CLTCL1: variants seen among roughly 807,000 people sequenced by gnomAD.
CLTCL1 encodes the protein clathrin heavy chain like 1.
CLTCL1 carries 159 observed loss-of-function variants against 190.0 expected under a neutral mutation model. The observed-to-expected ratio is 0.84, with a 90% CI of 0.74 to 0.95. CLTCL1 has a LOEUF of 0.95. Among genes scored for constraint, CLTCL1 ranks in the 40% least tolerant of loss-of-function variants. CLTCL1 has a pLI of 0.00. For synonymous variants in CLTCL1, 752 were observed against 769.6 expected, an observed-to-expected ratio of 0.98 and a Z score of 0.38; for missense variants, 1,878 against 2,033.4, an observed-to-expected ratio of 0.92 and a Z score of 1.47.
intron 3 of CLTCL1, among the ~76,000 whole-genome samples, 157 bp downstream of exon 3, chr22:19,253,802 G>A (rs1555971179): frequency 6.6e-6 from 1 of 151,872 alleles, no homozygotes; most frequent in East Asian, 1.9e-4. Flanking sequence ...CTGACCTCAA[G>A]AGATCCTCCC....
intron 30 of CLTCL1, chr22:19,181,105 T>C (rs1460684031): frequency 2.4e-6 from 1 of 413,440 alleles, no homozygotes; most frequent in Non-Finnish European, 4.4e-6. Flanking sequence ...GGCCTGCTTA[T>C]GGGGGGCCAA....
rs1194266137 is a variant in CLTCL1 at position 19,245,186 on chromosome 22, C to CTTTT, written c.520-2254_520-2251dup. 7.2e-4 allele frequency among the ~76,000 whole-genome samples: 85 copies of CTTTT among 118,828 alleles called. 1 individual carries two copies. The highest frequency in any genetic ancestry group is 8.7e-4 in the Non-Finnish European group (50 of 57,546). 78.0% of individuals were successfully genotyped at this position (118,828 alleles called of 152,430 possible). A position where few individuals can be genotyped will look rare whatever the true frequency, so the allele number is the denominator to read the frequency against. ...GGCCCCATGTTCCCCTCTCCCCCTC[C>CTTTT]TTTTTTTTTTTTTTTTTTTTTTTGA... On this transcript the variant is annotated intron_variant, in intron 3 of 32. Coordinates refer to ENST00000427926, the MANE Select transcript of CLTCL1 (RefSeq NM_007098.4).
intron 30 of CLTCL1, chr22:19,181,047 G>A (rs2084120336): frequency 7.2e-6 from 4 of 556,854 alleles, no homozygotes; most frequent in African/African-American, 1.9e-5. Flanking sequence ...GGCCCCCAGA[G>A]CTTCCCAGTG....
intron 22 of CLTCL1, among the ~76,000 whole-genome samples, chr22:19,204,305 G>T (rs1426219990): frequency 1.3e-5 from 2 of 152,146 alleles, no homozygotes; most frequent in Admixed American, 6.5e-5. Context: ...CTGTGCTCCA[G>T]CCAGGGGCTC....
Position 19,254,220 on chromosome 22 carries a change from C to A in CLTCL1, c.258G>T (p.Lys86Asn). Reference sequence around the variant, plus strand: ...TCTCAATATTAAAGATCTGAAGTGTCTTCCCAGCTAGTATTTGATATAATA... The same window carrying A: ...TCTCAATATTAAAGATCTGAAGTGTATTCCCAGCTAGTATTTGATATAATA... ...ASKVIALKAG[K>N]TLQIFNIEMK... The change falls in exon 3 of 33, where the codon AAG becomes AAT. Residue 86 changes from lysine to asparagine, a missense_variant. Lys to Asn is a moderately conservative substitution (Grantham distance 94). Coordinates refer to ENST00000427926, the MANE Select transcript of CLTCL1 (RefSeq NM_007098.4). 2 of 1,610,034 alleles carry A rather than the reference C, an allele frequency of 1.2e-6. No homozygotes were observed. Among genetic ancestry groups the A allele is most frequent in the Non-Finnish European group, 1.7e-6 (2 of 1,176,548 alleles).
At chr22:19,290,690 C>T (rs1187766417) in intron 1 of CLTCL1, among the ~76,000 whole-genome samples, 1 of 152,174 alleles carries the variant, frequency 6.6e-6, no homozygotes, top group Non-Finnish European at 1.5e-5. Flanking sequence ...GTGCTCTGCA[C>T]TGTGAAAATA....
At chr22:19,266,662 T>A (rs2087131717) in intron 2 of CLTCL1, among the ~76,000 whole-genome samples, 1 of 152,162 alleles carries the variant, frequency 6.6e-6, no homozygotes, top group African/African-American at 2.4e-5. Flanking sequence ...ACCCTTAGAA[T>A]ATTAGTGAAC....
chr22:19,208,930 C>A lies in CLTCL1; in HGVS notation c.3434G>T (p.Ser1145Ile). 1 of 1,606,086 alleles carries A rather than the reference C, an allele frequency of 6.2e-7. No individual in the cohort carries two copies. The highest frequency in any genetic ancestry group is 8.5e-7 in the Non-Finnish European group (1 of 1,176,084). Reference sequence around the variant, plus strand: ...AGAGGGGACTCACTTACTGCTCCTGCTGGCTGACTGAACAACTTCCAGGTA... The same window carrying A: ...AGAGGGGACTCACTTACTGCTCCTGATGGCTGACTGAACAACTTCCAGGTA... ...SSYLEVVQSA[S>I]RSNNWEDLVK... The change falls in exon 21 of 33, where the codon AGC becomes ATC. Residue 1145 changes from serine to isoleucine, a missense_variant. Ser to Ile is a moderately radical substitution (Grantham distance 142). Transcript: ENST00000427926.
intron 10 of CLTCL1, 44 bp downstream of exon 10, chr22:19,232,432 C>T (rs370019283): frequency 1.2e-6 from 2 of 1,612,434 alleles, no homozygotes; most frequent in African/African-American, 1.3e-5. Context: ...TTCTAGATGG[C>T]TCTAAAAAGC....
At chr22:19,183,996 G>C in intron 29 of CLTCL1, 2 of 326,838 alleles carry the variant, frequency 6.1e-6, no homozygotes, top group South Asian at 6.6e-5. Context: ...GAGCAGTTAG[G>C]AGGGGTACGG....
rs782107371 is a variant in CLTCL1 at position 19,225,529 on chromosome 22, C to G, written c.2052G>C (p.Gln684His). ...NIRQNLQLCV[Q>H]VASKYHEQLG... ...GCTGCTCGTGGTACTTAGAGGCCAC[C>G]TGCACACACAGCTGAAGGTTCTGTC... The change falls in exon 13 of 33, where the codon CAG becomes CAC. Residue 684 changes from glutamine (Q) to histidine (H), a missense_variant. Coordinates refer to ENST00000427926, the MANE Select transcript of CLTCL1 (RefSeq NM_007098.4). The G allele has an allele frequency of 3.1e-6, 5 of 1,587,726 alleles. No homozygotes were observed. The highest frequency in any genetic ancestry group is 4.3e-6 in the Non-Finnish European group (5 of 1,166,676).
chr22:19,260,859 T>C (rs1210287463), intron 2 of CLTCL1, among the ~76,000 whole-genome samples: 1 of 149,710 alleles, frequency 6.7e-6, no homozygotes, highest in African/African-American at 2.5e-5. Flanking sequence ...ACAAGAGTCG[T>C]GATGATAGTA....
chr22:19,211,026 C>A (rs2085203467), intron 19 of CLTCL1, among the ~76,000 whole-genome samples: 1 of 152,254 alleles, frequency 6.6e-6, no homozygotes. Flanking sequence ...AGCCACCACA[C>A]CAGGTCACTT....
Position 19,239,302 on chromosome 22 carries a change from T to C in CLTCL1, c.768A>G (p.Ala256=), listed in dbSNP as rs782383626. 1.9e-5 allele frequency: 30 copies of C among 1,614,008 alleles called. No individual in the cohort carries two copies. In the East Asian group the frequency reaches 3.1e-4, roughly 17 times the overall value. ...KAVDVFFPPE[A]QNDFPVAMQI... is the part of the protein sequence containing the mutation. ...GCATAGCCACTGGAAAATCATTCTG[T>C]GCCTCTGGAGGAAAAAACACATCTA... Residue 256 remains alanine (A), a synonymous_variant, in exon 5 of 33, where the codon GCA becomes GCG. Transcript: ENST00000427926.
At chr22:19,237,475 G>A (rs1555962793) in intron 5 of CLTCL1, among the ~76,000 whole-genome samples, 2 of 152,170 alleles carry the variant, frequency 1.3e-5, no homozygotes, top group South Asian at 2.1e-4. Context: ...GCATCAGTAG[G>A]AATGTGAACT....
chr22:19,254,190 C>T lies in CLTCL1; in HGVS notation c.288G>A (p.Lys96=). ...KTLQIFNIEM[K]SKMKAHTMAE... Reference sequence around the variant, plus strand: ...CCATAGTATGAGCCTTCATTTTACTCTTCATCTCAATATTAAAGATCTGAA... The same window carrying T: ...CCATAGTATGAGCCTTCATTTTACTTTTCATCTCAATATTAAAGATCTGAA... The change falls in exon 3 of 33, where the codon AAG becomes AAA. Residue 96 remains lysine, a synonymous_variant. Transcript: ENST00000427926. 6.2e-7 allele frequency: 1 copy of T among 1,613,642 alleles called. No homozygotes were observed.
intron 23 of CLTCL1, 55 bp from the exon 24 acceptor site, chr22:19,199,896 C>T (rs1161583152): frequency 8.1e-7 from 1 of 1,233,504 alleles, no homozygotes; most frequent in Non-Finnish European, 1.1e-6. Context: ...AGCACCACAG[C>T]AGCTGACTTA....
At chr22:19,232,950 C>CA in intron 9 of CLTCL1, 1 of 596,440 alleles carries the variant, frequency 1.7e-6, no homozygotes. Context: ...ATAAAGCTCC[C>CA]AAATAAAACG....
chr22:19,279,391 C>A (rs1555985217), intron 1 of CLTCL1, among the ~76,000 whole-genome samples: 1 of 152,160 alleles, frequency 6.6e-6, no homozygotes, highest in African/African-American at 2.4e-5. Flanking sequence ...CCTGCCTTGG[C>A]CTCCCAAAGT....
Sources: gnomAD v4.1 joint callset for allele counts (sites outside exome capture counted in the v4.1 genomes callset) on GRCh38, gnomAD v4.1.1 for gene constraint, MANE v1.5 for transcripts, NCBI Gene and HGNC (gene_info 2026-07-23, HGNC 2026-07-21) for gene names.